Variants in PIEZO2 observed in about 807,000 individuals in gnomAD.
PIEZO2 encodes the protein piezo-type mechanosensitive ion channel component 2.
PIEZO2 carries 172 observed loss-of-function variants against 337.3 expected under a neutral mutation model. The observed-to-expected ratio is 0.51, with a 90% CI of 0.45 to 0.58. The LOEUF (loss-of-function observed/expected upper bound fraction) is 0.58, where lower values mean the gene tolerates loss of function less well. Ranked by LOEUF, PIEZO2 falls within the 20% of genes least tolerant of loss-of-function variation. The pLI, the probability that PIEZO2 is intolerant of heterozygous loss-of-function variation, is 0.00. For synonymous variants in PIEZO2, 1,251 were observed against 1,228.5 expected (o/e 1.02, Z -0.38); for missense variants, 3,028 against 3,391.3 (o/e 0.89, Z 2.66).
In PIEZO2 at chr18:11,027,247, A is replaced by T. The variant is rs28693073; in HGVS notation, c.160+38880T>A. Among the ~76,000 whole-genome samples the T allele has an allele frequency of 7.1e-3, 1,080 of 152,310 alleles. 11 individuals carry two copies. The highest frequency in any genetic ancestry group is 0.024 in the African/African-American group (1,013 of 41,568). On this transcript the variant is annotated intron_variant, in intron 2 of 55. Coordinates refer to ENST00000674853, the MANE Select transcript of PIEZO2 (RefSeq NM_001378183.1). The surrounding 1 kb of genome is among the most constrained non-coding windows in gnomAD (Gnocchi z 4.2). ...GGAAAGCAAACAGCATTTGTGGAAA[A>T]GGAACAGCATGAGCCGTGACCCCTG...
chr18:10,734,416 G>A (rs373275702), intron 35 of PIEZO2, among the ~76,000 whole-genome samples: 1 of 152,156 alleles, frequency 6.6e-6, no homozygotes, highest in African/African-American at 2.4e-5. Flanking sequence ...ATCAGAACCT[G>A]CATTTAAATA....
In PIEZO2 at chr18:10,720,363, CTGTGTGTGTGTG is replaced by C. The variant is rs58927900; in HGVS notation, c.5030-2116_5030-2105del. 5.7e-3 allele frequency among the ~76,000 whole-genome samples: 318 copies of C among 56,280 alleles called. 13 individuals are homozygous for C. The highest frequency in any genetic ancestry group is 6.8e-3 in the Admixed American group (23 of 3,376). 36.9% of individuals were successfully genotyped at this position (56,280 alleles called of 152,430 possible). A position where few individuals can be genotyped will look rare whatever the true frequency, so the allele number is the denominator to read the frequency against. On this transcript the variant is annotated intron_variant, in intron 36 of 55. Coordinates refer to ENST00000674853, the MANE Select transcript of PIEZO2 (RefSeq NM_001378183.1). ...CTCATATATATGTCCTATATATATTCTGTGTGTGTGTGTGTGTGTGTGTGTGTGTGTGTGTGT... is the reference window on the plus strand; with the variant it reads ...CTCATATATATGTCCTATATATATTCTGTGTGTGTGTGTGTGTGTGTGTGT...
chr18:10,799,728 T>A (rs934467046), intron 11 of PIEZO2, among the ~76,000 whole-genome samples: 3 of 152,122 alleles, frequency 2.0e-5, no homozygotes, highest in African/African-American at 7.2e-5. Context: ...GTCCTAGCAG[T>A]TTGGTAGGCC....
At chr18:10,704,791 T>A in intron 41 of PIEZO2, 139 bp from the exon 42 acceptor site, 1 of 1,033,908 alleles carries the variant, frequency 9.7e-7, no homozygotes, top group Non-Finnish European at 1.4e-6. Flanking sequence ...CTCAAGCCAT[T>A]CTCCTGCTTC....
intron 3 of PIEZO2, among the ~76,000 whole-genome samples, chr18:10,948,606 C>A (rs566469326): frequency 6.6e-6 from 1 of 152,004 alleles, no homozygotes; most frequent in Non-Finnish European, 1.5e-5. Flanking sequence ...ATCACTTTGG[C>A]GATAGAGATA....
In PIEZO2 at chr18:11,078,052, A is replaced by C. The variant is rs1279242945; in HGVS notation, c.65-11830T>G. On this transcript the variant is annotated intron_variant, in intron 1 of 55. Transcript: ENST00000674853. This position sits in a 1 kb window ranked among gnomAD's most constrained non-coding sequence, Gnocchi z 5.3. ...CACACACACCCACACACACCCACACACACACACACACACACCACACACACA... is the reference window on the plus strand; with the variant it reads ...CACACACACCCACACACACCCACACCCACACACACACACACCACACACACA... Among the ~76,000 whole-genome samples the C allele has an allele frequency of 1.4e-5, 2 of 143,826 alleles. No individual in the cohort carries two copies. The highest frequency in any genetic ancestry group is 3.0e-5 in the Non-Finnish European group (2 of 66,518). The allele number at this position is 143,826 out of a possible 152,430, so 94.4% of individuals were successfully genotyped here. A position where few individuals can be genotyped will look rare whatever the true frequency, so the allele number is the denominator to read the frequency against.
At chr18:11,073,830 G>A (rs1196360632) in intron 1 of PIEZO2, among the ~76,000 whole-genome samples, 1 of 148,554 alleles carries the variant, frequency 6.7e-6, no homozygotes, top group African/African-American at 2.5e-5. Context: ...AAACGACTTA[G>A]AAGACAAATA....
rs961069655 is a variant in PIEZO2 at position 10,859,216 on chromosome 18, C to T, written c.493-2005G>A. Among the ~76,000 whole-genome samples, 12 of 152,104 alleles carry T rather than the reference C, an allele frequency of 7.9e-5. No homozygotes were observed. Among genetic ancestry groups the T allele is most frequent in the Non-Finnish European group, 1.2e-4 (8 of 68,014 alleles). On this transcript the variant is annotated intron_variant, in intron 5 of 55. Transcript: ENST00000674853. This position sits in a 1 kb window ranked among gnomAD's most constrained non-coding sequence, Gnocchi z 4.9. The stretch of plus-strand genomic sequence containing the variant: ...GTGAAAGTCCTGGCAAAGTGCATTC[C>T]GGGTGGAGGAAAGAGCTGGTCCAAG...
chr18:11,125,151 AACACAC>A lies in PIEZO2; in HGVS notation c.64+23368_64+23373del, dbSNP rs10576283. Among the ~76,000 whole-genome samples the A allele has an allele frequency of 6.6e-6, 1 of 151,380 alleles. No homozygotes were observed. The highest frequency in any genetic ancestry group is 2.4e-5 in the African/African-American group (1 of 41,224). On this transcript the variant is annotated intron_variant, in intron 1 of 55. Transcript: ENST00000674853. The surrounding 1 kb of genome is among the most constrained non-coding windows in gnomAD (Gnocchi z 4.4). ...TTTGCAAATATTAAATGGGAGAAAG[AACACAC>A]ACACACACACATGCACACATACAAA...
chr18:11,076,802 GT>G, intron 1 of PIEZO2, among the ~76,000 whole-genome samples: 1 of 152,146 alleles, frequency 6.6e-6, no homozygotes, highest in Admixed American at 6.5e-5. Context: ...GTTTCACTGA[GT>G]TTTCTAAATT....
Position 11,096,794 on chromosome 18 carries a change from A to G in PIEZO2, c.65-30572T>C, listed in dbSNP as rs532252445. On this transcript the variant is annotated intron_variant, in intron 1 of 55. Coordinates refer to ENST00000674853, the MANE Select transcript of PIEZO2 (RefSeq NM_001378183.1). The surrounding 1 kb of genome is among the most constrained non-coding windows in gnomAD (Gnocchi z 4.6). The stretch of plus-strand genomic sequence containing the variant: ...GGCTGACCACACTAACATAAAAAGC[A>G]CTCATTCTTCTGCATTTCCTGCTGC... Among the ~76,000 whole-genome samples, 8 of 152,206 alleles carry G rather than the reference A, an allele frequency of 5.3e-5. No homozygotes were observed. The highest frequency in any genetic ancestry group is 1.3e-4 in the Admixed American group (2 of 15,292).
intron 1 of PIEZO2, among the ~76,000 whole-genome samples, chr18:11,084,034 A>G (rs1308245662): frequency 6.6e-6 from 1 of 151,946 alleles, no homozygotes; most frequent in Non-Finnish European, 1.5e-5. Context: ...AAAATTAGCC[A>G]GGTGTGGTGG....
chr18:11,086,813 A>AT (rs2038932065), intron 1 of PIEZO2, among the ~76,000 whole-genome samples: 1 of 152,054 alleles, frequency 6.6e-6, no homozygotes, highest in Non-Finnish European at 1.5e-5. Flanking sequence ...AGGAAACAGG[A>AT]TTTTTAATTC....
intron 4 of PIEZO2, among the ~76,000 whole-genome samples, chr18:10,887,064 A>AAT (rs1286292676): frequency 3.3e-5 from 2 of 61,302 alleles, no homozygotes; most frequent in Non-Finnish European, 5.9e-5. Context: ...GAGGTGACAC[A>AAT]CTTTTTTTTT....
rs978445541 is a variant in PIEZO2, at chr18:10,677,503, C to A, written c.8081+244G>T. On this transcript the variant is annotated intron_variant, in intron 53 of 55. Coordinates refer to ENST00000674853, the MANE Select transcript of PIEZO2 (RefSeq NM_001378183.1). This position sits in a 1 kb window ranked among gnomAD's most constrained non-coding sequence, Gnocchi z 4.1. ...AACATGCTGGGATTACAGGCATGAGCCACCATGCCTGGCCCAAACCCTCAT... is the reference window on the plus strand; with the variant it reads ...AACATGCTGGGATTACAGGCATGAGACACCATGCCTGGCCCAAACCCTCAT... 2.6e-6 allele frequency: 1 copy of A among 381,996 alleles called. No homozygotes were observed. The highest frequency in any genetic ancestry group is 2.2e-5 in the African/African-American group (1 of 46,194). The allele number at this position is 381,996 out of a possible 1,614,324, so 23.7% of individuals were successfully genotyped here.
intron 4 of PIEZO2, among the ~76,000 whole-genome samples, chr18:10,875,515 GAGT>G (rs1370329685): frequency 6.6e-6 from 1 of 152,180 alleles, no homozygotes; most frequent in Non-Finnish European, 1.5e-5. Context: ...CTGAGGTCAG[GAGT>G]AGTAGTAGGT....
In PIEZO2 at chr18:10,856,036, CTTATTTTATTTTATTTTGTTTTGTT is replaced by C. The variant is rs2041695613; in HGVS notation, c.704-495_704-471del. ...CCAATTAAACTCTCACTGTGCCATGCTTATTTTATTTTATTTTGTTTTGTTTTATTTTATTTTATTTTTTGTAGGG... is the reference window on the plus strand; with the variant it reads ...CCAATTAAACTCTCACTGTGCCATGCTTATTTTATTTTATTTTTTGTAGGG... On this transcript the variant is annotated intron_variant, in intron 6 of 55. Coordinates refer to ENST00000674853, the MANE Select transcript of PIEZO2 (RefSeq NM_001378183.1). This position sits in a 1 kb window ranked among gnomAD's most constrained non-coding sequence, Gnocchi z 4.7. Among the ~76,000 whole-genome samples, 2 of 151,592 alleles carry C rather than the reference CTTATTTTATTTTATTTTGTTTTGTT, an allele frequency of 1.3e-5. No individual in the cohort carries two copies. Among genetic ancestry groups the C allele is most frequent in the African/African-American group, 4.9e-5 (2 of 41,192 alleles).
In PIEZO2 at chr18:10,725,417, A is replaced by G. The variant is rs8086982; in HGVS notation, c.5029+5990T>C. Reference sequence around the variant, plus strand: ...CCACATTGGCGGTCAACCTGACCAGAGCCCGCCAGTACTGGTTGGAGGGCA... The same window carrying G: ...CCACATTGGCGGTCAACCTGACCAGGGCCCGCCAGTACTGGTTGGAGGGCA... On this transcript the variant is annotated intron_variant, in intron 36 of 55. Transcript: ENST00000674853. 8,394 of 1,603,066 alleles carry G rather than the reference A, an allele frequency of 5.2e-3. 372 individuals are homozygous for G. The African/African-American group carries it at 0.095, about 18-fold the overall frequency.
In PIEZO2 at chr18:10,828,095, C is replaced by G. The variant is rs1471426895; in HGVS notation, c.918-20821G>C. 1.3e-5 allele frequency among the ~76,000 whole-genome samples: 2 copies of G among 151,132 alleles called. No individual in the cohort carries two copies. Among genetic ancestry groups the G allele is most frequent in the Non-Finnish European group, 2.9e-5 (2 of 67,916 alleles). ...AAACTTAGCATTCAATAAACCTAGA[C>G]AAGCTCGAAATAGCATGACGGTTTT... is the stretch of plus-strand genomic sequence containing the variant. On this transcript the variant is annotated intron_variant, in intron 7 of 55. Coordinates refer to ENST00000674853, the MANE Select transcript of PIEZO2 (RefSeq NM_001378183.1). This position sits in a 1 kb window ranked among gnomAD's most constrained non-coding sequence, Gnocchi z 4.1.
Sources: gnomAD v4.1 joint callset for allele counts (sites outside exome capture counted in the v4.1 genomes callset) on GRCh38, gnomAD v4.1.1 for gene constraint, Gnocchi (gnomAD v3.1) non-coding constraint, MANE v1.5 for transcripts, NCBI Gene and HGNC (gene_info 2026-07-23, HGNC 2026-07-21) for gene names.